LRP2: variants seen among roughly 807,000 people sequenced by gnomAD.
LRP2 encodes the protein low-density lipoprotein receptor-related protein 2.
A neutral mutation model predicts 531.0 loss-of-function variants in LRP2; 172 were observed. The ratio of observed to expected loss-of-function variants is 0.32; its 90% CI spans 0.29 to 0.37. The LOEUF (loss-of-function observed/expected upper bound fraction) is 0.37. Ranked by LOEUF, LRP2 falls within the 10% of genes least tolerant of loss-of-function variation. LRP2 has a pLI of 1.00. For missense variants in LRP2, 5,167 were observed against 5,868.3 expected, an observed-to-expected ratio of 0.88 and a Z score of 3.90; for synonymous variants, 1,992 against 2,027.6, an observed-to-expected ratio of 0.98 and a Z score of 0.47.
chr2:169,128,026 G>GTTA lies in LRP2; in HGVS notation c.*634_*636dup, dbSNP rs972567119. ...AACACACATGAAACAGAGAGTTCTG[G>GTTA]TTAGACAATGCCAACACACAGAAGG... On this transcript the variant is annotated 3_prime_UTR_variant, in exon 79 of 79. Transcript: ENST00000649046. 6.5e-6 allele frequency: 1 copy of GTTA among 152,954 alleles called. No individual in the cohort carries two copies. Among genetic ancestry groups the GTTA allele is most frequent in the Non-Finnish European group, 1.5e-5 (1 of 68,356 alleles). 9.5% of individuals were successfully genotyped at this position (152,954 alleles called of 1,614,324 possible).
chr2:169,246,488 G>A (rs180832775), intron 21 of LRP2, among the ~76,000 whole-genome samples: 1 of 152,158 alleles, frequency 6.6e-6, no homozygotes, highest in Admixed American at 6.5e-5. Context: ...GAAAAAAATT[G>A]TTGAAGATAG....
Position 169,206,856 on chromosome 2 carries a change from A to C in LRP2, c.6864T>G (p.Asn2288Lys), listed in dbSNP as rs1266207200. The C allele has an allele frequency of 6.2e-7, 1 of 1,614,026 alleles. No homozygotes were observed. The highest frequency in any genetic ancestry group is 8.5e-7 in the Non-Finnish European group (1 of 1,180,042). Residue 2288 changes from asparagine (N) to lysine (K), a missense_variant, in exon 39 of 79, where the codon AAT becomes AAG. By Grantham distance (94) the Asn-to-Lys change is moderately conservative (BLOSUM62 0). Coordinates refer to ENST00000649046, the MANE Select transcript of LRP2 (RefSeq NM_004525.3). ...AATTCCTATCTACCCATATGATAGA[A>C]TTTTCAAAAACAGTGATGCCATAAG... ...PTPYGITVFENSIIWVDRNLK... is the reference protein window; with the variant it reads ...PTPYGITVFEKSIIWVDRNLK...
intron 50 of LRP2, among the ~76,000 whole-genome samples, chr2:169,185,052 C>A (rs1461337564): frequency 6.6e-6 from 1 of 152,156 alleles, no homozygotes; most frequent in East Asian, 1.9e-4. Context: ...TGAGCCACTG[C>A]CCCCGGCCAA....
intron 9 of LRP2, among the ~76,000 whole-genome samples, chr2:169,285,963 T>C (rs1683845814): frequency 6.6e-6 from 1 of 152,196 alleles, no homozygotes; most frequent in African/African-American, 2.4e-5. Context: ...GCGTCAGCCA[T>C]GCAGAGGGTT....
rs532663529 is a variant in LRP2 at position 169,311,334 on chromosome 2, A to G, written c.311-3937T>C. Among the ~76,000 whole-genome samples the G allele has an allele frequency of 1.4e-4, 21 of 152,296 alleles. 2 individuals are homozygous for G. The South Asian group carries it at 4.1e-3, about 30-fold the overall frequency. On this transcript the variant is annotated intron_variant, in intron 3 of 78. Transcript: ENST00000649046. ...ATCTTTCCTGCTTTCTCTTGTGGGC[A>G]TTTAGTGCTATAAATTTCCCTCTAC...
At chr2:169,292,962 T>G (rs984551613) in intron 6 of LRP2, among the ~76,000 whole-genome samples, 1 of 151,934 alleles carries the variant, frequency 6.6e-6, no homozygotes, top group Non-Finnish European at 1.5e-5. Context: ...TACTACAAGC[T>G]CCGTAATTGC....
chr2:169,240,053 G>A (rs1251098390), intron 25 of LRP2, among the ~76,000 whole-genome samples: 1 of 152,112 alleles, frequency 6.6e-6, no homozygotes, highest in African/African-American at 2.4e-5. Context: ...GAGAACCCTT[G>A]GGAAAATATT....
At chr2:169,345,693 C>A (rs1449249645) in intron 1 of LRP2, among the ~76,000 whole-genome samples, 14 of 145,152 alleles carry the variant, frequency 9.6e-5, no homozygotes, top group African/African-American at 3.6e-4. Flanking sequence ...CTCTTTTTTA[C>A]AGATAGAAAA....
chr2:169,248,671 C>T lies in LRP2; in HGVS notation c.2771-1156G>A, dbSNP rs536384602. Among the ~76,000 whole-genome samples the T allele has an allele frequency of 2.2e-4, 27 of 123,984 alleles. 3 individuals are homozygous for T. The highest frequency in any genetic ancestry group is 8.6e-4 in the African/African-American group (25 of 29,164). The allele number at this position is 123,984 out of a possible 152,430, so 81.3% of individuals were successfully genotyped here. On this transcript the variant is annotated intron_variant, in intron 19 of 78. Transcript: ENST00000649046. ...ATAGGAACAGCTCCGGTCTACAGCTCCCAGCGTGAGCGACGCAGAAGACGG... is the reference window on the plus strand; with the variant it reads ...ATAGGAACAGCTCCGGTCTACAGCTTCCAGCGTGAGCGACGCAGAAGACGG...
At chr2:169,289,837 T>C (rs937256430) in intron 8 of LRP2, among the ~76,000 whole-genome samples, 1 of 152,142 alleles carries the variant, frequency 6.6e-6, no homozygotes, top group African/African-American at 2.4e-5. Context: ...TGACTACATA[T>C]CTCTTATTAA....
At chr2:169,300,509 TAAACGG>T (rs1684261407) in intron 4 of LRP2, among the ~76,000 whole-genome samples, 1 of 151,734 alleles carries the variant, frequency 6.6e-6, no homozygotes, top group African/African-American at 2.4e-5. Context: ...AGGACGAGGG[TAAACGG>T]AAACAGCCAT....
At chr2:169,264,394 G>A (rs1431703974) in intron 16 of LRP2, among the ~76,000 whole-genome samples, 1 of 151,986 alleles carries the variant, frequency 6.6e-6, no homozygotes, top group Non-Finnish European at 1.5e-5. Flanking sequence ...GACTTGGCCT[G>A]CATGCAGCTA....
At chr2:169,271,238 A>G in intron 15 of LRP2, 131 bp from the exon 16 acceptor site, 1 of 644,310 alleles carries the variant, frequency 1.6e-6, no homozygotes. Flanking sequence ...TGTAAAAATA[A>G]ATTTTTGGAA....
intron 1 of LRP2, among the ~76,000 whole-genome samples, chr2:169,341,584 T>G (rs1192862674): frequency 6.6e-6 from 1 of 152,228 alleles, no homozygotes; most frequent in Non-Finnish European, 1.5e-5. Context: ...AGGAGGTATA[T>G]TCTGATATTT....
chr2:169,268,511 T>C (rs1422255451), intron 16 of LRP2, among the ~76,000 whole-genome samples: 1 of 152,172 alleles, frequency 6.6e-6, no homozygotes, highest in Non-Finnish European at 1.5e-5. Flanking sequence ...AAAAACCACA[T>C]GATTATCTCA....
At position 169,196,938 on chromosome 2, in the gene LRP2, C is replaced by T; in HGVS notation, c.8671G>A (p.Asp2891Asn). ...WYCDQETDCF[D>N]ASDEPASCGH... ...CAAGAGGCAGGTTCATCAGAGGCAT[C>T]AAAACAATCTGTTTCTTGATCACAA... Residue 2891 changes from aspartate to asparagine, a missense_variant, in exon 46 of 79, where the codon GAT becomes AAT. This residue lies in a region of LRP2 where 1,129 missense variants were observed against 1,362.7 expected (regional missense o/e 0.83). Coordinates refer to ENST00000649046, the MANE Select transcript of LRP2 (RefSeq NM_004525.3). 2 of 1,614,168 alleles carry T rather than the reference C, an allele frequency of 1.2e-6. No individual in the cohort carries two copies. The highest frequency in any genetic ancestry group is 4.5e-5 in the East Asian group (2 of 44,888).
chr2:169,297,070 C>G (rs914920295), intron 4 of LRP2, among the ~76,000 whole-genome samples: 1 of 152,140 alleles, frequency 6.6e-6, no homozygotes, highest in Non-Finnish European at 1.5e-5. Flanking sequence ...ACAGAGCTCC[C>G]TAACTCCACC....
At position 169,146,829 on chromosome 2, in the gene LRP2, T is replaced by C. The variant is rs913322614; in HGVS notation, c.12721A>G (p.Asn4241Asp). Residue 4241 changes from asparagine to aspartate, a missense_variant, in exon 69 of 79, where the codon AAT becomes GAT. Around this residue, in one of 6 missense-constraint regions of LRP2, gnomAD observed 564 missense variants for 747.7 expected, o/e 0.75. Transcript: ENST00000649046. ...AAGTCACTCCAGTAGATTCGGTCATTGTTCAAATAATCGATAGAAAGGCCA... is the reference window on the plus strand; with the variant it reads ...AAGTCACTCCAGTAGATTCGGTCATCGTTCAAATAATCGATAGAAAGGCCA... ...PTGLSIDYLN[N>D]DRIYWSDFKE... 6 of 1,614,228 alleles carry C rather than the reference T, an allele frequency of 3.7e-6. No homozygotes were observed. The highest frequency in any genetic ancestry group is 5.1e-6 in the Non-Finnish European group (6 of 1,180,028).
At chr2:169,218,072 T>C (rs1688860171) in intron 34 of LRP2, among the ~76,000 whole-genome samples, 1 of 152,214 alleles carries the variant, frequency 6.6e-6, no homozygotes. Flanking sequence ...TCCACAAAGA[T>C]ATTTTTCTGC....
Sources: gnomAD v4.1 joint callset for allele counts (sites outside exome capture counted in the v4.1 genomes callset) on GRCh38, gnomAD v4.1.1 for gene constraint, gnomAD v4.1.1 regional missense constraint, MANE v1.5 for transcripts, NCBI Gene and HGNC (gene_info 2026-07-23, HGNC 2026-07-21) for gene names.